Variants in DHRSX observed in about 807,000 individuals in gnomAD.
DHRSX encodes dehydrogenase/reductase X-linked.
DHRSX carries 31 observed loss-of-function variants against 34.0 expected under a neutral mutation model. The observed-to-expected ratio is 0.91, with a 90% CI of 0.69 to 1.23. The LOEUF (loss-of-function observed/expected upper bound fraction) is 1.23, where lower values mean the gene tolerates loss of function less well. Ranked by LOEUF, DHRSX falls within the 50% of genes most tolerant of loss-of-function variation. DHRSX has a pLI of 0.00. For synonymous variants in DHRSX, 201 were observed against 183.8 expected (o/e 1.09, Z -0.76); for missense variants, 414 against 428.1 (o/e 0.97, Z 0.29).
intron 3 of DHRSX, among the ~76,000 whole-genome samples, chrX:2,376,484 C>T (rs1390587227): frequency 7.3e-6 from 1 of 137,332 alleles, no homozygotes; most frequent in Non-Finnish European, 1.7e-5. Context: ...TCTGATTCTG[C>T]CCCTAGCCTT....
intron 3 of DHRSX, among the ~76,000 whole-genome samples, chrX:2,331,436 G>GTTTGTTTTTT (rs2042471952): frequency 1.1e-5 from 1 of 94,658 alleles, no homozygotes. Flanking sequence ...AGGTTTTTTG[G>GTTTGTTTTTT]TTTTTTTTTT....
At chrX:2,498,756 G>A (rs1371746451) in intron 1 of DHRSX, among the ~76,000 whole-genome samples, 2 of 152,122 alleles carry the variant, frequency 1.3e-5, no homozygotes, top group African/African-American at 2.4e-5. Context: ...AGGCCCTTAA[G>A]GAGGTTTAAG....
At chrX:2,237,581 C>G (rs1167719522) in intron 6 of DHRSX, among the ~76,000 whole-genome samples, 1 of 151,668 alleles carries the variant, frequency 6.6e-6, no homozygotes, top group Non-Finnish European at 1.5e-5. Flanking sequence ...TCTGGGCTCA[C>G]CACAATTTCC....
chrX:2,484,565 G>A (rs937750147), intron 1 of DHRSX, among the ~76,000 whole-genome samples: 2 of 152,078 alleles, frequency 1.3e-5, no homozygotes, highest in Admixed American at 6.6e-5. Flanking sequence ...TGTTTTCGTC[G>A]TCTGAAGAAA....
intron 4 of DHRSX, among the ~76,000 whole-genome samples, chrX:2,270,010 G>A (rs1305673930): frequency 6.6e-6 from 1 of 152,002 alleles, no homozygotes. Context: ...ATACATATAT[G>A]TAGGTCTAGC....
chrX:2,285,232 C>G (rs970004990), intron 4 of DHRSX, among the ~76,000 whole-genome samples: 1 of 152,142 alleles, frequency 6.6e-6, no homozygotes, highest in Non-Finnish European at 1.5e-5. Flanking sequence ...AATAATTCTA[C>G]AAGTCGCCAT....
At chrX:2,484,219 C>G (rs1015594497) in intron 1 of DHRSX, among the ~76,000 whole-genome samples, 2 of 152,048 alleles carry the variant, frequency 1.3e-5, no homozygotes, top group Admixed American at 1.3e-4. Flanking sequence ...GCGATCCACC[C>G]GCCTCGGCCT....
At chrX:2,252,831 T>C (rs2016463066) in intron 5 of DHRSX, among the ~76,000 whole-genome samples, 1 of 151,814 alleles carries the variant, frequency 6.6e-6, no homozygotes, top group African/African-American at 2.4e-5. Flanking sequence ...TGAAAGCAAA[T>C]ACGTAGGAGG....
intron 4 of DHRSX, among the ~76,000 whole-genome samples, chrX:2,272,699 G>A (rs2041573398): frequency 6.6e-6 from 1 of 152,080 alleles, no homozygotes; most frequent in Admixed American, 6.6e-5. Context: ...GCTAAGCCCA[G>A]GTGACAGGCT....
intron 1 of DHRSX, among the ~76,000 whole-genome samples, chrX:2,455,290 T>C (rs1392057351): frequency 1.3e-5 from 2 of 151,900 alleles, no homozygotes; most frequent in East Asian, 1.9e-4. Context: ...CGGGGCCTGC[T>C]GGAAGGTGGA....
At chrX:2,346,302 G>A (rs1427038097) in intron 3 of DHRSX, among the ~76,000 whole-genome samples, 1 of 152,074 alleles carries the variant, frequency 6.6e-6, no homozygotes, top group African/African-American at 2.4e-5. Flanking sequence ...TCTTAGGAAT[G>A]ACATCCATAA....
intron 3 of DHRSX, among the ~76,000 whole-genome samples, chrX:2,326,900 C>T (rs1380837651): frequency 2.6e-5 from 4 of 151,934 alleles, no homozygotes; most frequent in Non-Finnish European, 5.9e-5. Flanking sequence ...AAACCTCCAC[C>T]TCCAGGGTTC....
At chrX:2,353,206 T>A (rs779440459) in intron 3 of DHRSX, among the ~76,000 whole-genome samples, 12 of 152,216 alleles carry the variant, frequency 7.9e-5, no homozygotes, top group Admixed American at 2.0e-4. Context: ...ACTGCACTAT[T>A]ACACTTCAGC....
intron 3 of DHRSX, among the ~76,000 whole-genome samples, chrX:2,338,316 G>A (rs745370050): frequency 4.0e-5 from 6 of 151,752 alleles, no homozygotes; most frequent in South Asian, 2.1e-4. Flanking sequence ...CTGTGCAACA[G>A]AGCGAGACTC....
At chrX:2,243,905 G>GATT (rs1224786176) in intron 5 of DHRSX, among the ~76,000 whole-genome samples, 2 of 148,040 alleles carry the variant, frequency 1.4e-5, no homozygotes, top group Non-Finnish European at 3.0e-5. Context: ...GAGTAGCTGG[G>GATT]ATTACAGGCT....
chrX:2,292,513 C>T lies in DHRSX; in HGVS notation c.287-910G>A, dbSNP rs780110217. ...GTCTGTGGGTTATTTTGTTACACAG[C>T]ATATGTAACTGATACACAAAATGAC... On this transcript the variant is annotated intron_variant, in intron 3 of 6. Transcript: ENST00000334651. 2.3e-4 allele frequency among the ~76,000 whole-genome samples: 35 copies of T among 151,932 alleles called. No homozygotes were observed. The South Asian group carries it at 3.5e-3, about 15-fold the overall frequency.
At chrX:2,271,151 G>A (rs2041548450) in intron 4 of DHRSX, among the ~76,000 whole-genome samples, 1 of 152,178 alleles carries the variant, frequency 6.6e-6, no homozygotes, top group Admixed American at 6.5e-5. Context: ...TCACTGCCAA[G>A]GTCCGCAGCT....
intron 3 of DHRSX, among the ~76,000 whole-genome samples, chrX:2,349,995 C>T (rs1408913973): frequency 1.3e-5 from 2 of 151,496 alleles, no homozygotes; most frequent in South Asian, 2.1e-4. Context: ...GCCGAGATCG[C>T]GCCACTGCAC....
At chrX:2,303,754 TGGATA>T in intron 3 of DHRSX, among the ~76,000 whole-genome samples, 1 of 105,746 alleles carries the variant, frequency 9.5e-6, no homozygotes, top group Non-Finnish European at 1.9e-5. Context: ...ATGGATGGAT[TGGATA>T]GATGGATGGA....
Sources: allele counts gnomAD v4.1 joint callset (sites outside exome capture counted in the v4.1 genomes callset), GRCh38; gene constraint gnomAD v4.1.1; transcripts MANE v1.5; gene names NCBI Gene and HGNC (gene_info 2026-07-23, HGNC 2026-07-21).